The following ZNFX1 variants were observed in gnomAD, a reference collection of about 807,000 sequenced individuals.
ZNFX1 encodes the protein zinc finger NFX1-type containing 1, also known as NFX1-type zinc finger-containing protein 1.
In ZNFX1, 78 loss-of-function variants were observed where a neutral mutation model predicts 179.8. The observed-to-expected ratio is 0.43, with a 90% CI of 0.36 to 0.52. The LOEUF (loss-of-function observed/expected upper bound fraction) is 0.52, where lower values mean the gene tolerates loss of function less well. Among genes scored for constraint, ZNFX1 ranks in the 20% least tolerant of loss-of-function variants. The pLI, the probability that ZNFX1 is intolerant of heterozygous loss-of-function variation, is 0.00. For synonymous variants in ZNFX1, 848 were observed against 868.5 expected (o/e 0.98, Z 0.42); for missense variants, 1,927 against 2,386.6 (o/e 0.81, Z 4.01).
chr20:49,268,758 A>G (rs1981308384), intron 3 of ZNFX1, among the ~76,000 whole-genome samples: 1 of 152,204 alleles, frequency 6.6e-6, no homozygotes, highest in Non-Finnish European at 1.5e-5. Flanking sequence ...CAACATCACT[A>G]ATCATTAGAG....
At chr20:49,266,061 A>AT (rs1486961461) in intron 4 of ZNFX1, 74 bp downstream of exon 4, 4 of 1,526,722 alleles carry the variant, frequency 2.6e-6, no homozygotes, top group Non-Finnish European at 3.6e-6. Context: ...GAAGAGCAAT[A>AT]GAAAGCTACT....
chr20:49,262,823 C>CT (rs1981146873), intron 6 of ZNFX1, among the ~76,000 whole-genome samples: 1 of 152,196 alleles, frequency 6.6e-6, no homozygotes, highest in African/African-American at 2.4e-5. Context: ...CACAGTCAGT[C>CT]TGCATGACTA....
chr20:49,270,487 C>G lies in ZNFX1; in HGVS notation c.1325G>C (p.Trp442Ser). 1 of 1,614,218 alleles carries G rather than the reference C, an allele frequency of 6.2e-7. No individual in the cohort carries two copies. The highest frequency in any genetic ancestry group is 8.5e-7 in the Non-Finnish European group (1 of 1,180,036). The change falls in exon 3 of 14, where the codon TGG becomes TCG. Residue 442 changes from tryptophan to serine, a missense_variant. Trp to Ser is a radical substitution (Grantham distance 177, BLOSUM62 -3). Coordinates refer to ENST00000396105, the MANE Select transcript of ZNFX1 (RefSeq NM_021035.3). The surrounding 1 kb of genome is among the most constrained non-coding windows in gnomAD (Gnocchi z 4.6). Reference protein sequence around the residue: ...FDTKPLKFVRWQNSKRLLYGS... With the variant: ...FDTKPLKFVRSQNSKRLLYGS... ...ATAGAGCAATCGTTTGGAATTCTGC[C>G]AGCGAACAAACTTCAGTGGTTTTGT...
At chr20:49,256,106 T>A in intron 8 of ZNFX1, 159 bp from the exon 9 acceptor site, 1 of 916,510 alleles carries the variant, frequency 1.1e-6, no homozygotes, top group Non-Finnish European at 1.6e-6. Context: ...GTAGAGTGGC[T>A]AAACAAGGAC....
intron 6 of ZNFX1, among the ~76,000 whole-genome samples, chr20:49,262,020 A>G (rs1233918311): frequency 7.5e-6 from 1 of 132,702 alleles, no homozygotes; most frequent in Non-Finnish European, 1.6e-5. Context: ...AAAAAAATTA[A>G]AAAAGAAACA....
At chr20:49,274,939 G>A (rs1158722751) in intron 2 of ZNFX1, among the ~76,000 whole-genome samples, 5 of 148,242 alleles carry the variant, frequency 3.4e-5, no homozygotes, top group Admixed American at 2.7e-4. Context: ...TGGCTAACAC[G>A]GTGAAACCCC....
chr20:49,257,650 C>G lies in ZNFX1; in HGVS notation c.2431G>C (p.Asp811His). 1 of 1,613,894 alleles carries G rather than the reference C, an allele frequency of 6.2e-7. No homozygotes were observed. The highest frequency in any genetic ancestry group is 8.5e-7 in the Non-Finnish European group (1 of 1,180,002). Residue 811 changes from aspartate (D) to histidine (H), a missense_variant, in exon 8 of 14, where the codon GAT (aspartate) becomes CAT (histidine). Transcript: ENST00000396105. ...TCCTCCTCCCCTTCTTCCTCCTCAT[C>G]CCCTTCTGCCTGGGCTAAGAGAGAG... ...GPENTAQAEG[D>H]EEEEGEEESS...
intron 2 of ZNFX1, among the ~76,000 whole-genome samples, chr20:49,274,450 C>T (rs1981501180): frequency 6.6e-6 from 1 of 152,102 alleles, no homozygotes; most frequent in Non-Finnish European, 1.5e-5. Context: ...ATTAAATTGT[C>T]ATCAAATTGA....
rs238221 is a variant in ZNFX1, at chr20:49,255,840, C to G, written c.2772G>C (p.Gln924His). Residue 924 changes from glutamine to histidine, a missense_variant, in exon 9 of 14, where the codon CAG becomes CAC. Coordinates refer to ENST00000396105, the MANE Select transcript of ZNFX1 (RefSeq NM_021035.3). ...GCTGCCAGCGAGAACTGAGGTCCAG[C>G]TGCCAAACATCCTCGATCTCGTTGG... ...AEANEIEDVW[Q>H]LDLSSRWQLY... 0.72 allele frequency: 1,168,644 copies of G among 1,613,652 alleles called. 429,129 individuals are homozygous for G. The highest frequency in any genetic ancestry group is 0.76 in the Non-Finnish European group (895,822 of 1,179,846).
intron 4 of ZNFX1, among the ~76,000 whole-genome samples, chr20:49,265,332 C>T (rs1981209176): frequency 6.6e-6 from 1 of 152,216 alleles, no homozygotes; most frequent in South Asian, 2.1e-4. Flanking sequence ...AGGCATGTGC[C>T]AAGTTCTGAA....
At position 49,264,863 on chromosome 20, in the gene ZNFX1, GC is replaced by G; in HGVS notation, c.2003del (p.Gly668AlafsTer22). ...TGCTGGTCTTCTGACAATTGTAGAT[GC>G]CTGTGGAACAAAGTGGAGCATGGCA... ...TNHALDQFLE[G>X]IYNCQKTSIV... On this transcript the variant is annotated frameshift_variant and splice_region_variant, in exon 5 of 14. Transcript: ENST00000396105. LOFTEE classifies it high-confidence loss of function. The G allele has an allele frequency of 6.2e-7, 1 of 1,614,196 alleles. No individual in the cohort carries two copies. The highest frequency in any genetic ancestry group is 2.2e-5 in the East Asian group (1 of 44,888).
rs1170865308 is a variant in ZNFX1 at position 49,249,356 on chromosome 20, C to T, written c.3668G>A (p.Arg1223Gln). The part of the protein sequence containing the change: ...ISNRICVALS[R>Q]AKKGMYCIGN... ...GATGCAGTACATTCCCTTCTTGGCT[C>T]GGGACAAGGCCACACAGATGCGGTT... is the stretch of plus-strand genomic sequence containing the variant. The change falls in exon 14 of 14, where the codon CGA (arginine) becomes CAA (glutamine). Residue 1223 changes from arginine (R) to glutamine (Q), a missense_variant. Transcript: ENST00000396105. 2.5e-6 allele frequency: 4 copies of T among 1,614,096 alleles called. No homozygotes were observed. Among genetic ancestry groups the T allele is most frequent in the East Asian group, 2.2e-5 (1 of 44,892 alleles).
chr20:49,253,302 TTATC>T (rs1438031502), intron 11 of ZNFX1, among the ~76,000 whole-genome samples: 2 of 152,234 alleles, frequency 1.3e-5, no homozygotes, highest in East Asian at 1.9e-4. Context: ...GAAAGTGATA[TTATC>T]TATCTACCTT....
In ZNFX1 at chr20:49,249,531, A is replaced by G. The variant is rs950363062; in HGVS notation, c.3493T>C (p.Phe1165Leu). Reference sequence around the variant, plus strand: ...GCAGGCATCAGTTTGCGCAGGCAGAAGAGCTGCCCGGTATAGGTAGTGAGG... The same window carrying G: ...GCAGGCATCAGTTTGCGCAGGCAGAGGAGCTGCCCGGTATAGGTAGTGAGG... Reference protein sequence around the residue: ...TILTTYTGQLFCLRKLMPAKT... With the variant: ...TILTTYTGQLLCLRKLMPAKT... Residue 1165 changes from phenylalanine (F) to leucine (L), a missense_variant, in exon 14 of 14, where the codon TTC becomes CTC. By Grantham distance (22) the Phe-to-Leu change is conservative (BLOSUM62 0). Transcript: ENST00000396105. 8 of 1,613,656 alleles carry G rather than the reference A, an allele frequency of 5.0e-6. No individual in the cohort carries two copies. The highest frequency in any genetic ancestry group is 1.3e-5 in the African/African-American group (1 of 74,938).
chr20:49,270,713 T>C lies in ZNFX1; in HGVS notation c.1099A>G (p.Ile367Val), dbSNP rs147045723. 3,223 of 1,614,152 alleles carry C rather than the reference T, an allele frequency of 2.0e-3. 9 individuals are homozygous for C. Among genetic ancestry groups the C allele is most frequent in the Admixed American group, 2.9e-3 (176 of 60,006 alleles). The change falls in exon 3 of 14, where the codon ATC becomes GTC. Residue 367 changes from isoleucine to valine, a missense_variant. Ile to Val is a conservative substitution (Grantham distance 29). Coordinates refer to ENST00000396105, the MANE Select transcript of ZNFX1 (RefSeq NM_021035.3). The surrounding 1 kb of genome is among the most constrained non-coding windows in gnomAD (Gnocchi z 4.6). The part of the protein sequence containing the change: ...IISGKYDSTA[I>V]YLDTHFRLLR... ...AGCCGGAAGTGGGTATCCAGATAGA[T>C]AGCAGTGCTGTCGTATTTTCCAGAA...
At chr20:49,266,018 T>C (rs569567773) in intron 4 of ZNFX1, 117 bp downstream of exon 4, 5 of 1,173,004 alleles carry the variant, frequency 4.3e-6, no homozygotes, top group Non-Finnish European at 4.9e-6. Context: ...CAAACGGCCA[T>C]GTAAGTAATG....
Position 49,249,391 on chromosome 20 carries a change from C to T in ZNFX1, c.3633G>A (p.Leu1211=), listed in dbSNP as rs1980777473. 6.2e-7 allele frequency: 1 copy of T among 1,614,228 alleles called. No homozygotes were observed. The change falls in exon 14 of 14, where the codon CTG becomes CTA. Residue 1211 remains leucine (L), a synonymous_variant. Coordinates refer to ENST00000396105, the MANE Select transcript of ZNFX1 (RefSeq NM_021035.3). The part of the protein sequence containing the change: ...RSNQEGKVGF[L]QISNRICVAL... ...CCACACAGATGCGGTTGGATATCTG[C>T]AGAAAACCCACCTTGCCTTCTTGGT...
intron 6 of ZNFX1, 152 bp from the exon 7 acceptor site, chr20:49,260,729 C>T (rs745593946): frequency 3.6e-6 from 2 of 556,772 alleles, no homozygotes; most frequent in South Asian, 2.4e-5. Context: ...ACTGCCTGAG[C>T]CCAGAAATTC....
intron 2 of ZNFX1, among the ~76,000 whole-genome samples, chr20:49,275,102 G>A (rs866548544): frequency 8.7e-5 from 13 of 149,880 alleles, no homozygotes; most frequent in South Asian, 4.2e-4. Flanking sequence ...CAGCCTGGGC[G>A]AAAGAGCGAG....
Sources: allele counts gnomAD v4.1 joint callset (sites outside exome capture counted in the v4.1 genomes callset), GRCh38; gene constraint gnomAD v4.1.1; non-coding constraint Gnocchi (gnomAD v3.1); transcripts MANE v1.5; gene names NCBI Gene and HGNC (gene_info 2026-07-23, HGNC 2026-07-21).